SMOC1: variants seen among roughly 807,000 people sequenced by gnomAD.
SMOC1 encodes SPARC-related modular calcium-binding protein 1.
Under a neutral mutation model 56.3 loss-of-function variants are expected in SMOC1, and 22 were observed. The ratio of observed to expected loss-of-function variants is 0.39; its 90% CI spans 0.28 to 0.56. The LOEUF is 0.56. Ranked by LOEUF, SMOC1 falls within the 20% of genes least tolerant of loss-of-function variation. The pLI is 0.61. For missense variants in SMOC1, 509 were observed against 565.4 expected (o/e 0.90, Z 1.01); for synonymous variants, 193 against 215.0 (o/e 0.90, Z 0.89).
chr14:69,922,932 C>CTTTTTTTTTTTTTTTTTTTTT (rs536127994), intron 1 of SMOC1, among the ~76,000 whole-genome samples: 1 of 147,706 alleles, frequency 6.8e-6, no homozygotes, highest in African/African-American at 2.6e-5. Context: ...TCTCAGCCCT[C>CTTTTTTTTTTTTTTTTTTTTT]TTTTTTTTGT....
intron 7 of SMOC1, among the ~76,000 whole-genome samples, chr14:70,002,481 G>A (rs767951725): frequency 6.6e-6 from 1 of 152,128 alleles, no homozygotes; most frequent in Non-Finnish European, 1.5e-5. Context: ...TGGGCCAGTT[G>A]TCTACCCTCT....
chr14:70,009,521 G>T (rs1002522147), intron 7 of SMOC1, among the ~76,000 whole-genome samples: 1 of 152,208 alleles, frequency 6.6e-6, no homozygotes, highest in African/African-American at 2.4e-5. Context: ...CTGATACCAA[G>T]TTCCTTGCTC....
At chr14:69,888,817 T>C (rs1034829461) in intron 1 of SMOC1, among the ~76,000 whole-genome samples, 32 of 152,354 alleles carry the variant, frequency 2.1e-4, no homozygotes, top group African/African-American at 7.7e-4. Context: ...GCATTTATTC[T>C]TGAAACTTCT....
intron 1 of SMOC1, among the ~76,000 whole-genome samples, chr14:69,949,812 C>T (rs1434593270): frequency 6.6e-6 from 1 of 152,148 alleles, no homozygotes; most frequent in Non-Finnish European, 1.5e-5. Flanking sequence ...TGATTCTCAC[C>T]AGGCCGGGGA....
intron 11 of SMOC1, among the ~76,000 whole-genome samples, chr14:70,026,953 G>A (rs185180887): frequency 1.3e-4 from 20 of 152,362 alleles, no homozygotes; most frequent in African/African-American, 4.8e-4. Context: ...GTGTGATGGA[G>A]TGAGGGAGAG....
intron 5 of SMOC1, among the ~76,000 whole-genome samples, chr14:69,990,484 A>T (rs1380123131): frequency 1.3e-5 from 2 of 152,232 alleles, no homozygotes; most frequent in Non-Finnish European, 2.9e-5. Context: ...AGGGCTGAGC[A>T]CACTGTGCTG....
chr14:69,932,743 C>T (rs76624790), intron 1 of SMOC1, among the ~76,000 whole-genome samples: 4,054 of 152,154 alleles, frequency 0.027, 60 homozygotes, highest in African/African-American at 0.032. Context: ...CAGGGCAGTG[C>T]GGCTTTTTCC....
intron 1 of SMOC1, among the ~76,000 whole-genome samples, chr14:69,923,813 G>C (rs369903068): frequency 6.6e-6 from 1 of 152,130 alleles, no homozygotes; most frequent in Non-Finnish European, 1.5e-5. Context: ...TCAATCCTAC[G>C]TAGGAGGGAG....
At chr14:69,961,889 C>T (rs1883396155) in intron 3 of SMOC1, among the ~76,000 whole-genome samples, 1 of 152,112 alleles carries the variant, frequency 6.6e-6, no homozygotes, top group Non-Finnish European at 1.5e-5. Context: ...ATGAAGGTTC[C>T]AGTTTCTCCA....
chr14:69,986,622 A>G (rs147372869), intron 5 of SMOC1, among the ~76,000 whole-genome samples: 13 of 152,310 alleles, frequency 8.5e-5, no homozygotes, highest in African/African-American at 2.4e-4. Flanking sequence ...TTTCAAAATA[A>G]AAAGTTAAAA....
chr14:69,940,141 T>G (rs561258548), intron 1 of SMOC1, among the ~76,000 whole-genome samples: 1 of 152,342 alleles, frequency 6.6e-6, no homozygotes. Flanking sequence ...TTTTGGGATC[T>G]TGTCTTTCCA....
In SMOC1 at chr14:69,919,326, G is replaced by A. The variant is rs184785246; in HGVS notation, c.100-32812G>A. ...GCCGCTCTCACAGCCCCTTTCCCTC[G>A]ATTTAGACTCTACCTTTCCAGCCCT... On this transcript the variant is annotated intron_variant, in intron 1 of 11. Coordinates refer to ENST00000361956, the MANE Select transcript of SMOC1 (RefSeq NM_001034852.3). Among the ~76,000 whole-genome samples the A allele has an allele frequency of 5.9e-5, 9 of 152,228 alleles. No homozygotes were observed. The East Asian group carries it at 1.5e-3, about 26-fold the overall frequency.
At chr14:69,922,605 A>T (rs1242761937) in intron 1 of SMOC1, among the ~76,000 whole-genome samples, 2 of 152,178 alleles carry the variant, frequency 1.3e-5, no homozygotes, top group South Asian at 2.1e-4. Context: ...CTTCTTAGAC[A>T]TGCAGCACCC....
chr14:70,027,710 A>G (rs567885541), intron 11 of SMOC1, among the ~76,000 whole-genome samples: 2 of 152,210 alleles, frequency 1.3e-5, no homozygotes, highest in Admixed American at 1.3e-4. Flanking sequence ...CCGTTTCCCC[A>G]TTTGCAAAGT....
intron 10 of SMOC1, among the ~76,000 whole-genome samples, chr14:70,022,162 C>T (rs1885749435): frequency 6.6e-6 from 1 of 152,250 alleles, no homozygotes; most frequent in Non-Finnish European, 1.5e-5. Flanking sequence ...TTCCATTCTC[C>T]TCGTTAGTGA....
chr14:69,952,613 G>C (rs1224242334), intron 2 of SMOC1, among the ~76,000 whole-genome samples: 5 of 152,180 alleles, frequency 3.3e-5, no homozygotes, highest in Admixed American at 1.3e-4. Flanking sequence ...CTCCTGAATA[G>C]TGATTCCAAA....
intron 7 of SMOC1, among the ~76,000 whole-genome samples, chr14:70,009,897 A>G (rs1309853036): frequency 6.6e-6 from 1 of 152,206 alleles, no homozygotes; most frequent in Non-Finnish European, 1.5e-5. Context: ...ACCAGAAAAA[A>G]AAAGACAAAG....
chr14:69,896,155 C>T (rs758413279), intron 1 of SMOC1, among the ~76,000 whole-genome samples: 50 of 152,146 alleles, frequency 3.3e-4, no homozygotes, highest in Non-Finnish European at 6.9e-4. Flanking sequence ...CCAGTGTGTA[C>T]CTTTCTTTTC....
chr14:69,918,915 A>G (rs1013545806), intron 1 of SMOC1, among the ~76,000 whole-genome samples: 1 of 152,214 alleles, frequency 6.6e-6, no homozygotes, highest in Non-Finnish European at 1.5e-5. Context: ...CAAATGGTGC[A>G]GGCAGAAGGA....
Sources: gnomAD v4.1 joint callset for allele counts (sites outside exome capture counted in the v4.1 genomes callset) on GRCh38, gnomAD v4.1.1 for gene constraint, MANE v1.5 for transcripts, NCBI Gene and HGNC (gene_info 2026-07-23, HGNC 2026-07-21) for gene names.